Variants in GORASP2 observed in about 807,000 individuals in gnomAD.
GORASP2 encodes Golgi reassembly-stacking protein 2.
A neutral mutation model predicts 45.7 loss-of-function variants in GORASP2; 22 were observed. The ratio of observed to expected loss-of-function variants is 0.48; its 90% CI spans 0.34 to 0.69. The LOEUF is 0.69. Among genes scored for constraint, GORASP2 ranks in the 30% least tolerant of loss-of-function variants. The pLI, the probability that GORASP2 is intolerant of heterozygous loss-of-function variation, is 0.01. For synonymous variants in GORASP2, 221 were observed against 215.6 expected, an observed-to-expected ratio of 1.02 and a Z score of -0.22; for missense variants, 491 against 562.7, an observed-to-expected ratio of 0.87 and a Z score of 1.29.
intron 6 of GORASP2, 26 bp downstream of exon 6, chr2:170,954,808 T>C: frequency 6.3e-7 from 1 of 1,585,108 alleles, no homozygotes; most frequent in Non-Finnish European, 8.6e-7. Flanking sequence ...TACCTGAGTA[T>C]ATCATAAAGT....
intron 1 of GORASP2, among the ~76,000 whole-genome samples, chr2:170,947,982 A>G (rs1400946421): frequency 2.6e-5 from 4 of 152,220 alleles, no homozygotes; most frequent in East Asian, 1.9e-4. Context: ...TTAGTTGGAC[A>G]TGGTGGTACG....
At chr2:170,957,509 C>G (rs1035561851) in intron 7 of GORASP2, among the ~76,000 whole-genome samples, 1 of 152,198 alleles carries the variant, frequency 6.6e-6, no homozygotes, top group South Asian at 2.1e-4. Context: ...CTCCTGACCT[C>G]AGGTGATCTG....
At chr2:170,935,111 G>C (rs984772965) in intron 1 of GORASP2, among the ~76,000 whole-genome samples, 1 of 152,054 alleles carries the variant, frequency 6.6e-6, no homozygotes, top group Admixed American at 6.6e-5. Context: ...TTCAAATGTA[G>C]GAATCAGGAT....
intron 1 of GORASP2, 80 bp downstream of exon 1, chr2:170,929,483 C>T (rs1242611744): frequency 3.6e-6 from 4 of 1,099,372 alleles, no homozygotes; most frequent in Non-Finnish European, 4.8e-6. Context: ...CCCATGGGCT[C>T]CTTCACGGGG....
intron 5 of GORASP2, among the ~76,000 whole-genome samples, chr2:170,952,905 G>A (rs1291675371): frequency 2.6e-5 from 4 of 152,098 alleles, no homozygotes; most frequent in Admixed American, 6.5e-5. Flanking sequence ...TGAACTCTTC[G>A]CTTCAAGCAA....
intron 1 of GORASP2, among the ~76,000 whole-genome samples, chr2:170,934,406 C>T (rs566983784): frequency 6.6e-6 from 1 of 152,018 alleles, no homozygotes; most frequent in South Asian, 2.1e-4. Flanking sequence ...ATTACAGGCA[C>T]CTGTCATCAC....
chr2:170,954,578 C>T, intron 5 of GORASP2, 72 bp from the exon 6 acceptor site: 5 of 1,319,110 alleles, frequency 3.8e-6, no homozygotes, highest in Non-Finnish European at 3.2e-6. Context: ...TACCCGCCCC[C>T]CCCAAAAAAA....
At chr2:170,958,664 TTTTTTTTTTTAA>T (rs1321377689) in intron 7 of GORASP2, among the ~76,000 whole-genome samples, 1 of 73,706 alleles carries the variant, frequency 1.4e-5, no homozygotes, top group African/African-American at 3.3e-5. Context: ...TTTTTTTTTT[TTTTTTTTTTTAA>T]AAAAAAAAAA....
chr2:170,949,514 G>T, intron 2 of GORASP2, 25 bp from the exon 3 acceptor site: 1 of 1,572,642 alleles, frequency 6.4e-7, no homozygotes, highest in South Asian at 1.1e-5. Flanking sequence ...ATTTACTAAG[G>T]AATGTGATTT....
At chr2:170,943,808 G>A (rs1003699521) in intron 1 of GORASP2, among the ~76,000 whole-genome samples, 1 of 152,080 alleles carries the variant, frequency 6.6e-6, no homozygotes, top group Admixed American at 6.6e-5. Context: ...GAGTTGCTGG[G>A]ACTACAGGCA....
At chr2:170,946,370 A>G (rs879622999) in intron 1 of GORASP2, among the ~76,000 whole-genome samples, 1 of 151,796 alleles carries the variant, frequency 6.6e-6, no homozygotes, top group Non-Finnish European at 1.5e-5. Context: ...AATATTTTGG[A>G]AAAAAAATGT....
chr2:170,946,865 G>T lies in GORASP2; in HGVS notation c.64-1485G>T, dbSNP rs148546441. Among the ~76,000 whole-genome samples, 17 of 152,028 alleles carry T rather than the reference G, an allele frequency of 1.1e-4. 2 individuals carry two copies. The East Asian group carries it at 2.3e-3, about 21-fold the overall frequency. On this transcript the variant is annotated intron_variant, in intron 1 of 9. Coordinates refer to ENST00000234160, the MANE Select transcript of GORASP2 (RefSeq NM_015530.5). ...TGAGGCACAAGAATTGCTTGAACCC[G>T]GGAGGTGGAGGTTGCAGTAAGCCGA...
intron 1 of GORASP2, among the ~76,000 whole-genome samples, chr2:170,935,877 G>A (rs1309833579): frequency 6.6e-6 from 1 of 152,104 alleles, no homozygotes; most frequent in African/African-American, 2.4e-5. Flanking sequence ...CGCCCGGCCT[G>A]TATATGCTTT....
chr2:170,930,005 T>G, intron 1 of GORASP2: 1 of 323,834 alleles, frequency 3.1e-6, no homozygotes, highest in Non-Finnish European at 6.4e-6. Flanking sequence ...GTGCCACTCC[T>G]GACCCTCCCA....
At chr2:170,944,078 CT>C (rs1704132356) in intron 1 of GORASP2, among the ~76,000 whole-genome samples, 3 of 152,148 alleles carry the variant, frequency 2.0e-5, no homozygotes, top group Admixed American at 2.0e-4. Flanking sequence ...TATATATAGA[CT>C]TTTAGTTAAG....
intron 1 of GORASP2, chr2:170,929,662 G>T (rs1703768043): frequency 3.3e-6 from 2 of 613,788 alleles, no homozygotes; most frequent in Admixed American, 2.3e-5. Context: ...CTCGGCCAGG[G>T]GGCGGCCCTG....
At position 170,954,831 on chromosome 2, in the gene GORASP2, G is replaced by A. The variant is rs759435111; in HGVS notation, c.699+49G>A. On this transcript the variant is annotated intron_variant, in intron 6 of 9. Transcript: ENST00000234160. ...TATATCATAAAGTTTTTACCAAAACGAGTCACGTGTTTCAGTGCTACTATA... is the reference window on the plus strand; with the variant it reads ...TATATCATAAAGTTTTTACCAAAACAAGTCACGTGTTTCAGTGCTACTATA... 15 of 1,509,204 alleles carry A rather than the reference G, an allele frequency of 9.9e-6. No homozygotes were observed. In the South Asian group the frequency reaches 1.5e-4, roughly 15 times the overall value. The allele number at this position is 1,509,204 out of a possible 1,614,324, so 93.5% of individuals were successfully genotyped here.
chr2:170,950,522 A>G (rs527442297), intron 4 of GORASP2, among the ~76,000 whole-genome samples: 3 of 152,382 alleles, frequency 2.0e-5, no homozygotes, highest in Admixed American at 1.3e-4. Context: ...TATGTGTAAT[A>G]TACAGAAATC....
chr2:170,963,621 C>T (rs1188356499), intron 9 of GORASP2, among the ~76,000 whole-genome samples: 4 of 151,800 alleles, frequency 2.6e-5, no homozygotes, highest in Non-Finnish European at 5.9e-5. Context: ...CCCTGCTCAG[C>T]TGGCTGGGCT....
Sources: gnomAD v4.1 joint callset for allele counts (sites outside exome capture counted in the v4.1 genomes callset) on GRCh38, gnomAD v4.1.1 for gene constraint, MANE v1.5 for transcripts, NCBI Gene and HGNC (gene_info 2026-07-23, HGNC 2026-07-21) for gene names.